TMEM127: variants seen among roughly 807,000 people sequenced by gnomAD.
TMEM127 encodes the protein transmembrane protein 127.
In TMEM127, 21 loss-of-function variants were observed where a neutral mutation model predicts 20.1. The observed-to-expected ratio is 1.04, with a 90% CI of 0.74 to 1.50. The LOEUF is 1.50. TMEM127 is among the 40% of genes most tolerant of loss of function. The pLI, the probability that TMEM127 is intolerant of heterozygous loss-of-function variation, is 0.00. For missense variants in TMEM127, 303 were observed against 317.4 expected (o/e 0.95, Z 0.34); for synonymous variants, 150 against 144.7 (o/e 1.04, Z -0.26).
chr2:96,255,155 T>G lies in TMEM127; in HGVS notation c.245-158A>C, dbSNP rs72825877. ...CCCTGCTCCTGGGTGGTCTGCAGGG[T>G]AGCTGGAGCAAATTCCACATTAGCA... On this transcript the variant is annotated intron_variant, in intron 2 of 3. Coordinates refer to ENST00000258439, the MANE Select transcript of TMEM127 (RefSeq NM_017849.4). 0.15 allele frequency among the ~76,000 whole-genome samples: 22,973 copies of G among 152,212 alleles called. 1,898 individuals carry two copies. Among genetic ancestry groups the G allele is most frequent in the South Asian group, 0.27 (1,305 of 4,822 alleles).
chr2:96,264,221 C>G (rs1427412439), intron 2 of TMEM127, among the ~76,000 whole-genome samples: 1 of 152,184 alleles, frequency 6.6e-6, no homozygotes, highest in Non-Finnish European at 1.5e-5. Flanking sequence ...ATCCCAGTGC[C>G]TGAATTCTTC....
chr2:96,252,096 T>A lies in TMEM127; in HGVS notation c.*1712A>T, dbSNP rs1013170514. On this transcript the variant is annotated 3_prime_UTR_variant, in exon 4 of 4. Coordinates refer to ENST00000258439, the MANE Select transcript of TMEM127 (RefSeq NM_017849.4). This position sits in a 1 kb window ranked among gnomAD's most constrained non-coding sequence, Gnocchi z 4.2. ...GTCCAGAAGAGCAGGAGAGTCACCT[T>A]TGAACACACTCTGGCATCACAGCAG... 4.3e-6 allele frequency: 1 copy of A among 233,258 alleles called. No homozygotes were observed. Among genetic ancestry groups the A allele is most frequent in the Non-Finnish European group, 8.5e-6 (1 of 118,048 alleles). The allele number at this position is 233,258 out of a possible 1,614,324, so 14.4% of individuals were successfully genotyped here.
rs2104272772 is a variant in TMEM127, at chr2:96,250,532, T to C, written c.*3276A>G. 4.3e-6 allele frequency: 1 copy of C among 232,928 alleles called. No homozygotes were observed. The highest frequency in any genetic ancestry group is 6.0e-5 in the East Asian group (1 of 16,558). The allele number at this position is 232,928 out of a possible 1,614,324, so 14.4% of individuals were successfully genotyped here. On this transcript the variant is annotated 3_prime_UTR_variant, in exon 4 of 4. Coordinates refer to ENST00000258439, the MANE Select transcript of TMEM127 (RefSeq NM_017849.4). ...CTGTATATTTCATGGTGCCTAATGGTGCTTTGTCTGAATGGACATGAAATG... is the reference window on the plus strand; with the variant it reads ...CTGTATATTTCATGGTGCCTAATGGCGCTTTGTCTGAATGGACATGAAATG...
Position 96,254,878 on chromosome 2 carries a change from C to T in TMEM127, c.364G>A (p.Ala122Thr), listed in dbSNP as rs1553436990. The T allele has an allele frequency of 6.2e-7, 1 of 1,614,128 alleles. No individual in the cohort carries two copies. The highest frequency in any genetic ancestry group is 1.3e-5 in the African/African-American group (1 of 75,046). ...LLDVFGPKHPALKITRRYAFA... is the reference protein window; with the variant it reads ...LLDVFGPKHPTLKITRRYAFA... ...GCATAGCGACGAGTGATCTTCAGAGCAGGATGCTTCGGCCCAAAGACATCC... is the reference window on the plus strand; with the variant it reads ...GCATAGCGACGAGTGATCTTCAGAGTAGGATGCTTCGGCCCAAAGACATCC... The change falls in exon 3 of 4, where the codon GCT becomes ACT. Residue 122 changes from alanine to threonine, a missense_variant. Physicochemically the swap from Ala to Thr is moderately conservative, Grantham distance 58. Coordinates refer to ENST00000258439, the MANE Select transcript of TMEM127 (RefSeq NM_017849.4).
intron 2 of TMEM127, among the ~76,000 whole-genome samples, chr2:96,259,016 T>G (rs757063561): frequency 3.9e-5 from 6 of 152,228 alleles, no homozygotes; most frequent in Non-Finnish European, 7.3e-5. Flanking sequence ...TCCTTAAAAA[T>G]GTACATCCAT....
intron 2 of TMEM127, among the ~76,000 whole-genome samples, chr2:96,259,602 G>A (rs1333032471): frequency 6.6e-6 from 1 of 152,214 alleles, no homozygotes; most frequent in African/African-American, 2.4e-5. Context: ...GCCAGGCATG[G>A]TGTCTAAGCT....
chr2:96,248,551 T>C lies in TMEM127; in HGVS notation c.*5257A>G, dbSNP rs1273892787. ...TCTTCTTTTATTAAAATAAAACCCA[T>C]CCACCACCCCAAGGTTATTCCAGAA... On this transcript the variant is annotated 3_prime_UTR_variant, in exon 4 of 4. Coordinates refer to ENST00000258439, the MANE Select transcript of TMEM127 (RefSeq NM_017849.4). 4.8e-6 allele frequency: 1 copy of C among 207,540 alleles called. No homozygotes were observed. The highest frequency in any genetic ancestry group is 9.8e-6 in the Non-Finnish European group (1 of 101,914). 12.9% of individuals were successfully genotyped at this position (207,540 alleles called of 1,614,324 possible).
chr2:96,263,379 T>G lies in TMEM127; in HGVS notation c.244+1759A>C, dbSNP rs1480707384. ...GCCTTTCTTTTTTTTTTTTTTTTTT[T>G]GAGATGGAGTTTCGCTCTTGTTGCC... is the stretch of plus-strand genomic sequence containing the variant. On this transcript the variant is annotated intron_variant, in intron 2 of 3. Transcript: ENST00000258439. 2.0e-5 allele frequency among the ~76,000 whole-genome samples: 3 copies of G among 149,216 alleles called. No individual in the cohort carries two copies. The East Asian group carries it at 5.9e-4, about 29-fold the overall frequency.
intron 2 of TMEM127, among the ~76,000 whole-genome samples, chr2:96,263,188 G>C (rs1158641794): frequency 3.3e-5 from 5 of 151,562 alleles, no homozygotes; most frequent in African/African-American, 1.2e-4. Flanking sequence ...CAGAGTATCT[G>C]GGACTACAGG....
At chr2:96,257,440 G>A (rs547520185) in intron 2 of TMEM127, among the ~76,000 whole-genome samples, 11 of 151,568 alleles carry the variant, frequency 7.3e-5, no homozygotes, top group Non-Finnish European at 1.5e-4. Context: ...CCAGCCTGGC[G>A]ACAGAGCGAG....
chr2:96,258,435 T>C (rs933680373), intron 2 of TMEM127, among the ~76,000 whole-genome samples: 3 of 152,186 alleles, frequency 2.0e-5, no homozygotes, highest in African/African-American at 7.2e-5. Flanking sequence ...ACGCATACCC[T>C]GCCTCAGGCT....
intron 2 of TMEM127, among the ~76,000 whole-genome samples, chr2:96,261,220 C>T (rs1381377341): frequency 6.6e-6 from 1 of 151,874 alleles, no homozygotes; most frequent in East Asian, 1.9e-4. Flanking sequence ...AGGTTGAGAG[C>T]TGTGTGAGAA....
chr2:96,258,096 G>A (rs1180050654), intron 2 of TMEM127, among the ~76,000 whole-genome samples: 1 of 152,186 alleles, frequency 6.6e-6, no homozygotes, highest in African/African-American at 2.4e-5. Flanking sequence ...AGGGTGTGGG[G>A]TGTGATCATC....
Position 96,253,644 on chromosome 2 carries a change from G to A in TMEM127, c.*164C>T. 1.4e-6 allele frequency: 1 copy of A among 718,734 alleles called. No individual in the cohort carries two copies. The highest frequency in any genetic ancestry group is 2.3e-6 in the Non-Finnish European group (1 of 443,606). The allele number at this position is 718,734 out of a possible 1,614,324, so 44.5% of individuals were successfully genotyped here. On this transcript the variant is annotated 3_prime_UTR_variant, in exon 4 of 4. Coordinates refer to ENST00000258439, the MANE Select transcript of TMEM127 (RefSeq NM_017849.4). This position sits in a 1 kb window ranked among gnomAD's most constrained non-coding sequence, Gnocchi z 4.3. ...GTGGACCTCCGGTTCTGAGAGCAGG[G>A]ATACTTGGATGACCCTAAAGGCAGA...
At chr2:96,263,757 C>T (rs950807834) in intron 2 of TMEM127, among the ~76,000 whole-genome samples, 3 of 152,100 alleles carry the variant, frequency 2.0e-5, no homozygotes, top group African/African-American at 7.2e-5. Flanking sequence ...CAGCTAAGCA[C>T]ACCCCATGCA....
Position 96,253,805 on chromosome 2 carries a change from G to T in TMEM127, c.*3C>A. 1 of 1,608,324 alleles carries T rather than the reference G, an allele frequency of 6.2e-7. No individual in the cohort carries two copies. The highest frequency in any genetic ancestry group is 8.5e-7 in the Non-Finnish European group (1 of 1,175,526). ...TGCCGAGGAAGAGAGCCCAGGGCTG[G>T]CATTAGGGTGTGTAAGCAGGGGGTG... On this transcript the variant is annotated 3_prime_UTR_variant, in exon 4 of 4. Coordinates refer to ENST00000258439, the MANE Select transcript of TMEM127 (RefSeq NM_017849.4). This position sits in a 1 kb window ranked among gnomAD's most constrained non-coding sequence, Gnocchi z 4.3.
At chr2:96,258,939 G>A (rs1361320706) in intron 2 of TMEM127, among the ~76,000 whole-genome samples, 1 of 152,174 alleles carries the variant, frequency 6.6e-6, no homozygotes, top group Non-Finnish European at 1.5e-5. Context: ...AGTAATATGT[G>A]CAGGCTTCAA....
Position 96,250,418 on chromosome 2 carries a change from G to C in TMEM127, c.*3390C>G. 4.3e-6 allele frequency: 1 copy of C among 232,716 alleles called. No homozygotes were observed. The highest frequency in any genetic ancestry group is 8.5e-6 in the Non-Finnish European group (1 of 117,770). 14.4% of individuals were successfully genotyped at this position (232,716 alleles called of 1,614,324 possible). A position where few individuals can be genotyped will look rare whatever the true frequency, so the allele number is the denominator to read the frequency against. ...TCTGGGCACAGGACTTTTCCGAGCC[G>C]GCCGCCCACTTCACTCTGCCTTTCT... is the stretch of plus-strand genomic sequence containing the variant. On this transcript the variant is annotated 3_prime_UTR_variant, in exon 4 of 4. Coordinates refer to ENST00000258439, the MANE Select transcript of TMEM127 (RefSeq NM_017849.4).
chr2:96,265,351 CG>C lies in TMEM127; in HGVS notation c.30del (p.Gly11AlafsTer70). 1 of 1,500,132 alleles carries C rather than the reference CG, an allele frequency of 6.7e-7. No homozygotes were observed. 92.9% of individuals were successfully genotyped at this position (1,500,132 alleles called of 1,614,324 possible). On this transcript the variant is annotated frameshift_variant, in exon 2 of 4. Transcript: ENST00000258439. LOFTEE classifies it high-confidence loss of function. MYAPGGAGL[P>X]GGRRRRSPGG... The stretch of plus-strand genomic sequence containing the variant: ...CCCGGGCTCCTCCGCCGGCGCCCGC[CG>C]GGCAGCCCTGCGCCTCCGGGGGCGT...
Sources: allele counts gnomAD v4.1 joint callset (sites outside exome capture counted in the v4.1 genomes callset), GRCh38; gene constraint gnomAD v4.1.1; non-coding constraint Gnocchi (gnomAD v3.1); transcripts MANE v1.5; gene names NCBI Gene and HGNC (gene_info 2026-07-23, HGNC 2026-07-21).